The following NLGN1 variants were observed in gnomAD, a reference collection of about 807,000 sequenced individuals.
The protein encoded by NLGN1 is neuroligin 1, also known as neuroligin-1.
A neutral mutation model predicts 65.5 loss-of-function variants in NLGN1; 12 were observed. The observed-to-expected ratio is 0.18, with a 90% CI of 0.12 to 0.30. NLGN1 has a LOEUF of 0.30. Ranked by LOEUF, NLGN1 falls within the 10% of genes least tolerant of loss-of-function variation. NLGN1 has a pLI of 1.00. For missense variants in NLGN1, 750 were observed against 1,007.1 expected (o/e 0.74, Z 3.46); for synonymous variants, 350 against 359.5 (o/e 0.97, Z 0.30).
chr3:173,695,650 G>C (rs141098755), intron 3 of NLGN1: 60 of 218,146 alleles, frequency 2.8e-4, no homozygotes, highest in African/African-American at 1.2e-3. Context: ...ATCTTATACT[G>C]TGGACTTATA....
chr3:174,152,138 A>G (rs1483702732), intron 4 of NLGN1, among the ~76,000 whole-genome samples: 1 of 140,372 alleles, frequency 7.1e-6, no homozygotes, highest in Non-Finnish European at 1.5e-5. Context: ...AGAAATAAAA[A>G]TCATTAACTA....
chr3:173,795,689 T>C (rs909426250), intron 3 of NLGN1, among the ~76,000 whole-genome samples: 1 of 152,124 alleles, frequency 6.6e-6, no homozygotes, highest in Non-Finnish European at 1.5e-5. Context: ...TGTCGTTACT[T>C]AAAATGCATT....
At chr3:174,045,666 C>G (rs1481245059) in intron 4 of NLGN1, among the ~76,000 whole-genome samples, 3 of 152,162 alleles carry the variant, frequency 2.0e-5, no homozygotes, top group Non-Finnish European at 2.9e-5. Flanking sequence ...ATATTTGATT[C>G]TATGTACTAC....
intron 4 of NLGN1, among the ~76,000 whole-genome samples, chr3:173,954,198 G>A (rs1161153586): frequency 1.3e-5 from 2 of 151,958 alleles, no homozygotes; most frequent in Non-Finnish European, 2.9e-5. Context: ...AACCCTCAAT[G>A]AACTATTCTT....
intron 4 of NLGN1, among the ~76,000 whole-genome samples, chr3:173,947,361 A>G (rs1413470397): frequency 1.3e-5 from 2 of 152,110 alleles, no homozygotes; most frequent in Non-Finnish European, 2.9e-5. Context: ...TACAATAGTG[A>G]TAAGAACAAT....
chr3:173,886,688 T>C (rs1416687700), intron 4 of NLGN1, among the ~76,000 whole-genome samples: 2 of 152,022 alleles, frequency 1.3e-5, no homozygotes, highest in Non-Finnish European at 2.9e-5. Context: ...AAAATCGAAA[T>C]AAATGAAGAA....
chr3:174,015,819 G>A (rs1386949511), intron 4 of NLGN1, among the ~76,000 whole-genome samples: 1 of 151,994 alleles, frequency 6.6e-6, no homozygotes, highest in African/African-American at 2.4e-5. Context: ...GCAAATAAAT[G>A]GCAAATAAAG....
At chr3:173,665,866 C>T (rs564117395) in intron 3 of NLGN1, among the ~76,000 whole-genome samples, 1 of 152,158 alleles carries the variant, frequency 6.6e-6, no homozygotes, top group East Asian at 1.9e-4. Flanking sequence ...CATAATTATT[C>T]ATGTTTTTTT....
intron 3 of NLGN1, among the ~76,000 whole-genome samples, chr3:173,618,098 A>G (rs141897988): frequency 7.0e-4 from 106 of 152,174 alleles, no homozygotes; most frequent in African/African-American, 2.5e-3. Context: ...AGCTTCTCCA[A>G]TGGCCTGTGT....
intron 4 of NLGN1, among the ~76,000 whole-genome samples, chr3:173,981,959 T>C (rs1718880208): frequency 6.6e-6 from 1 of 152,126 alleles, no homozygotes; most frequent in Non-Finnish European, 1.5e-5. Context: ...TATTTTTTAT[T>C]ATATTTATGA....
chr3:173,804,026 G>A (rs956799447), intron 3 of NLGN1, among the ~76,000 whole-genome samples: 3 of 152,052 alleles, frequency 2.0e-5, no homozygotes, highest in Non-Finnish European at 4.4e-5. Context: ...TCAAACTCTG[G>A]TTGTCAGGTA....
chr3:173,452,419 C>G (rs914814576), intron 2 of NLGN1, among the ~76,000 whole-genome samples: 1 of 152,170 alleles, frequency 6.6e-6, no homozygotes, highest in Non-Finnish European at 1.5e-5. Context: ...ATCTCCTGAC[C>G]TCATGATCCA....
chr3:173,673,029 A>G (rs1461087007), intron 3 of NLGN1, among the ~76,000 whole-genome samples: 3 of 152,194 alleles, frequency 2.0e-5, no homozygotes, highest in Non-Finnish European at 4.4e-5. Context: ...CATGACAAGG[A>G]GACTGGTTTG....
chr3:174,167,613 C>G (rs1251288606), intron 4 of NLGN1, among the ~76,000 whole-genome samples: 1 of 143,650 alleles, frequency 7.0e-6, no homozygotes, highest in Non-Finnish European at 1.5e-5. Context: ...TTTTTTTAAC[C>G]TAGTTGCCCT....
chr3:174,055,506 G>C (rs1735862191), intron 4 of NLGN1, among the ~76,000 whole-genome samples: 1 of 151,992 alleles, frequency 6.6e-6, no homozygotes, highest in Non-Finnish European at 1.5e-5. Flanking sequence ...GGCAGATAAG[G>C]CTGAAGAAAA....
intron 1 of NLGN1, among the ~76,000 whole-genome samples, chr3:173,428,740 T>C (rs1445967081): frequency 1.3e-5 from 2 of 152,134 alleles, no homozygotes; most frequent in African/African-American, 2.4e-5. Context: ...TCCATTGTTT[T>C]ATACTTTCAG....
chr3:173,652,026 T>C (rs7631787), intron 3 of NLGN1, among the ~76,000 whole-genome samples: 7,702 of 152,264 alleles, frequency 0.051, 462 homozygotes, highest in African/African-American at 0.13. Flanking sequence ...ACTCCTGACA[T>C]CAAGTAATCT....
intron 3 of NLGN1, among the ~76,000 whole-genome samples, chr3:173,708,135 GC>G (rs1768341859): frequency 6.6e-6 from 1 of 152,076 alleles, no homozygotes; most frequent in African/African-American, 2.4e-5. Context: ...ATATAGTCCT[GC>G]CCCTAACGTT....
chr3:174,015,952 A>G lies in NLGN1; in HGVS notation c.646+208120A>G, dbSNP rs570128799. Among the ~76,000 whole-genome samples the G allele has an allele frequency of 8.5e-5, 13 of 152,294 alleles. No individual in the cohort carries two copies. The East Asian group carries it at 2.5e-3, about 29-fold the overall frequency. The stretch of plus-strand genomic sequence containing the variant: ...GAAAATGATCATCAAAGGGGTGGCA[A>G]GAGATTGGAAAACAGAAGAGAATAA... On this transcript the variant is annotated intron_variant, in intron 4 of 6. Coordinates refer to ENST00000457714, the Ensembl canonical transcript of NLGN1.
Sources: allele counts gnomAD v4.1 joint callset (sites outside exome capture counted in the v4.1 genomes callset), GRCh38; gene constraint gnomAD v4.1.1; transcripts MANE v1.5; gene names NCBI Gene and HGNC (gene_info 2026-07-23, HGNC 2026-07-21).